SMARCD3: variants seen among roughly 807,000 people sequenced by gnomAD.
SMARCD3 encodes the protein SWI/SNF-related matrix-associated actin-dependent regulator of chromatin subfamily D member 3.
SMARCD3 carries 14 observed loss-of-function variants against 58.0 expected under a neutral mutation model. The ratio of observed to expected loss-of-function variants is 0.24; its 90% confidence interval spans 0.16 to 0.38. The LOEUF is 0.38. Ranked by LOEUF, SMARCD3 falls within the 10% of genes least tolerant of loss-of-function variation. The pLI is 1.00. For synonymous variants in SMARCD3, 253 were observed against 253.8 expected, an observed-to-expected ratio of 1.00 and a Z score of 0.03; for missense variants, 408 against 636.9, an observed-to-expected ratio of 0.64 and a Z score of 3.87.
intron 2 of SMARCD3, among the ~76,000 whole-genome samples, chr7:151,266,095 G>C (rs1405517557): frequency 6.6e-6 from 1 of 152,018 alleles, no homozygotes; most frequent in African/African-American, 2.4e-5. Flanking sequence ...TCCGCCTCCT[G>C]AGTAGCTGGG....
rs1274634237 is a variant in SMARCD3, at chr7:151,242,884, C to A, written c.334-41G>T. The A allele has an allele frequency of 6.2e-7, 1 of 1,611,608 alleles. No homozygotes were observed. Among genetic ancestry groups the A allele is most frequent in the Admixed American group, 1.7e-5 (1 of 59,760 alleles). On this transcript the variant is annotated intron_variant, in intron 3 of 12. Coordinates refer to ENST00000262188, the MANE Select transcript of SMARCD3 (RefSeq NM_001003801.2). This position sits in a 1 kb window ranked among gnomAD's most constrained non-coding sequence, Gnocchi z 4.7. ...CAGGGCAGGAGTCAGAGGCTCAAGTCCAGGGTTGTACCATGGAATGTATGC... is the reference window on the plus strand; with the variant it reads ...CAGGGCAGGAGTCAGAGGCTCAAGTACAGGGTTGTACCATGGAATGTATGC...
In SMARCD3 at chr7:151,239,638, T is replaced by C; in HGVS notation, c.1282A>G (p.Ser428Gly). 6.2e-7 allele frequency: 1 copy of C among 1,614,124 alleles called. No individual in the cohort carries two copies. Among genetic ancestry groups the C allele is most frequent in the Non-Finnish European group, 8.5e-7 (1 of 1,180,028 alleles). ...GYVQDLLRSQ[S>G]RDLKVMTDVA... ...TCCCTCTTCACCTTGAGGTCCCGGC[T>C]CTGGGAGCGGAGCAGGTCTTGGACA... The change falls in exon 11 of 13, where the codon AGC becomes GGC. Residue 428 changes from serine (S) to glycine (G), a missense_variant. Coordinates refer to ENST00000262188, the MANE Select transcript of SMARCD3 (RefSeq NM_001003801.2). This position sits in a 1 kb window ranked among gnomAD's most constrained non-coding sequence, Gnocchi z 7.0.
chr7:151,273,976 G>A (rs764615729), intron 2 of SMARCD3, among the ~76,000 whole-genome samples: 9 of 152,278 alleles, frequency 5.9e-5, no homozygotes, highest in African/African-American at 9.6e-5. Context: ...TTCTGAGGAA[G>A]GAGAAGCAGA....
chr7:151,242,974 T>G lies in SMARCD3; in HGVS notation c.334-131A>C. On this transcript the variant is annotated intron_variant, in intron 3 of 12. Transcript: ENST00000262188. This position sits in a 1 kb window ranked among gnomAD's most constrained non-coding sequence, Gnocchi z 4.7. The stretch of plus-strand genomic sequence containing the variant: ...CCATCCTACTTTTGGGCATGTAGCT[T>G]TGACAGTGGGAACAGGACCTCTCCC... The G allele has an allele frequency of 9.2e-7, 1 of 1,087,962 alleles. No individual in the cohort carries two copies. Among genetic ancestry groups the G allele is most frequent in the African/African-American group, 1.6e-5 (1 of 63,962 alleles). The allele number at this position is 1,087,962 out of a possible 1,614,324, so 67.4% of individuals were successfully genotyped here. A position where few individuals can be genotyped will look rare whatever the true frequency, so the allele number is the denominator to read the frequency against.
chr7:151,240,949 A>C (rs775701202), intron 8 of SMARCD3: 7 of 236,928 alleles, frequency 3.0e-5, no homozygotes, highest in Non-Finnish European at 2.5e-5. Context: ...GTAAGTGCCC[A>C]ATAAATATCA....
intron 1 of SMARCD3, among the ~76,000 whole-genome samples, chr7:151,276,137 C>T (rs1795333027): frequency 6.8e-6 from 1 of 147,378 alleles, no homozygotes; most frequent in Non-Finnish European, 1.5e-5. Flanking sequence ...GGCTACCAGT[C>T]CAGGGTCGGG....
At chr7:151,275,041 G>T in intron 2 of SMARCD3, 2 of 1,256,410 alleles carry the variant, frequency 1.6e-6, no homozygotes, top group Non-Finnish European at 2.3e-6. Context: ...GGGAGCAGGA[G>T]CCGAGGGCTG....
At chr7:151,247,277 C>A (rs1439957502) in intron 1 of SMARCD3, among the ~76,000 whole-genome samples, 2 of 152,046 alleles carry the variant, frequency 1.3e-5, no homozygotes, top group African/African-American at 4.8e-5. Flanking sequence ...ACTAGATGGG[C>A]CTTTTTAAAG....
At chr7:151,253,490 T>A (rs1458827306), upstream of SMARCD3, among the ~76,000 whole-genome samples, 1 of 152,114 alleles carries the variant, frequency 6.6e-6, no homozygotes, top group Admixed American at 6.5e-5. Context: ...GCCTCCTTCC[T>A]CTCTTTGCCT....
chr7:151,253,680 T>C (rs1803602822), upstream of SMARCD3, among the ~76,000 whole-genome samples: 1 of 152,102 alleles, frequency 6.6e-6, no homozygotes, highest in African/African-American at 2.4e-5. Context: ...ATTAATGAGG[T>C]GGTCGCTTGT....
rs1803026708 is a variant in SMARCD3 at position 151,242,167 on chromosome 7, A to T, written c.645T>A (p.Asp215Glu). 1 of 1,613,996 alleles carries T rather than the reference A, an allele frequency of 6.2e-7. No homozygotes were observed. Among genetic ancestry groups the T allele is most frequent in the African/African-American group, 1.3e-5 (1 of 75,004 alleles). ...CGAGGTGGTTGTCAGGGCCATAAAGATCTTTGTCCAGCTCGATGACCAAAC... is the reference window on the plus strand; with the variant it reads ...CGAGGTGGTTGTCAGGGCCATAAAGTTCTTTGTCCAGCTCGATGACCAAAC... ...FKSLVIELDK[D>E]LYGPDNHLVE... Residue 215 changes from aspartate (D) to glutamate (E), a missense_variant, in exon 6 of 13, where the codon GAT (aspartate) becomes GAA (glutamate). By Grantham distance (45) the Asp-to-Glu change is conservative. Coordinates refer to ENST00000262188, the MANE Select transcript of SMARCD3 (RefSeq NM_001003801.2). The surrounding 1 kb of genome is among the most constrained non-coding windows in gnomAD (Gnocchi z 4.7).
intron 2 of SMARCD3, among the ~76,000 whole-genome samples, chr7:151,266,249 C>T (rs1441711020): frequency 6.6e-6 from 1 of 152,040 alleles, no homozygotes; most frequent in African/African-American, 2.4e-5. Flanking sequence ...GGATTGCAGG[C>T]GTGAGCCACC....
chr7:151,275,998 G>A (rs1484332433), intron 1 of SMARCD3, among the ~76,000 whole-genome samples: 2 of 152,078 alleles, frequency 1.3e-5, no homozygotes, highest in African/African-American at 4.8e-5. Context: ...ATCCTGAGCA[G>A]GGTTGGGAGG....
chr7:151,275,987 A>G (rs1795327680), intron 1 of SMARCD3, among the ~76,000 whole-genome samples: 1 of 152,128 alleles, frequency 6.6e-6, no homozygotes, highest in African/African-American at 2.4e-5. Context: ...CCCATGGATC[A>G]ATCCTGAGCA....
rs776338143 is a variant in SMARCD3, at chr7:151,242,006, C to T, written c.676-28G>A. On this transcript the variant is annotated intron_variant, in intron 6 of 12. Transcript: ENST00000262188. The surrounding 1 kb of genome is among the most constrained non-coding windows in gnomAD (Gnocchi z 4.7). Reference sequence around the variant, plus strand: ...GTCCAGGAGAGAAGAGCTGTGTCTCCCAAAGGCCCATCTGGAGTGGTGGGG... The same window carrying T: ...GTCCAGGAGAGAAGAGCTGTGTCTCTCAAAGGCCCATCTGGAGTGGTGGGG... 8.1e-6 allele frequency: 13 copies of T among 1,595,306 alleles called. No homozygotes were observed. Among genetic ancestry groups the T allele is most frequent in the Non-Finnish European group, 1.1e-5 (13 of 1,165,268 alleles).
Position 151,245,580 on chromosome 7 carries a change from C to G in SMARCD3, c.170G>C (p.Arg57Pro). 1 of 1,165,422 alleles carries G rather than the reference C, an allele frequency of 8.6e-7. No individual in the cohort carries two copies. The highest frequency in any genetic ancestry group is 1.1e-6 in the Non-Finnish European group (1 of 928,382). The allele number at this position is 1,165,422 out of a possible 1,614,324, so 72.2% of individuals were successfully genotyped here. ...GSPYMGSPAVRPGLAPAGMEP... is the reference protein window; with the variant it reads ...GSPYMGSPAVPPGLAPAGMEP... ...CATGCCCGCGGGGGCCAGGCCGGGT[C>G]GCACGGCGGGGCTGCCCATGTACGG... Residue 57 changes from arginine (R) to proline (P), a missense_variant, in exon 2 of 13, where the codon CGA (arginine) becomes CCA (proline). By Grantham distance (103) the Arg-to-Pro change is moderately radical. Around this residue, in one of 4 missense-constraint regions of SMARCD3, gnomAD observed 84 missense variants for 81.2 expected, o/e 1.03. Coordinates refer to ENST00000262188, the MANE Select transcript of SMARCD3 (RefSeq NM_001003801.2). The surrounding 1 kb of genome is among the most constrained non-coding windows in gnomAD (Gnocchi z 6.2).
intron 9 of SMARCD3, 57 bp downstream of exon 9, chr7:151,240,368 G>C: frequency 6.3e-7 from 1 of 1,587,246 alleles, no homozygotes; most frequent in South Asian, 1.1e-5. Flanking sequence ...GGGAGGGGCA[G>C]GGAAGGCAGG....
intron 2 of SMARCD3, among the ~76,000 whole-genome samples, chr7:151,255,297 C>T (rs552729867): frequency 6.6e-6 from 1 of 152,314 alleles, no homozygotes; most frequent in African/African-American, 2.4e-5. Context: ...TGCTCCACCT[C>T]TTCTGGAAGC....
Position 151,246,831 on chromosome 7 carries a change from G to T in SMARCD3, c.79-1160C>A, listed in dbSNP as rs1354171500. 6.6e-6 allele frequency among the ~76,000 whole-genome samples: 1 copy of T among 152,166 alleles called. No homozygotes were observed. The highest frequency in any genetic ancestry group is 1.9e-4 in the East Asian group (1 of 5,188). ...GGGGCTGTGAAACAGAAAGAGCGGG[G>T]TGGGATGGGGACTGGGACCACGAAA... On this transcript the variant is annotated intron_variant, in intron 1 of 12. Coordinates refer to ENST00000262188, the MANE Select transcript of SMARCD3 (RefSeq NM_001003801.2). The surrounding 1 kb of genome is among the most constrained non-coding windows in gnomAD (Gnocchi z 4.4).
Sources: allele counts gnomAD v4.1 joint callset (sites outside exome capture counted in the v4.1 genomes callset), GRCh38; gene constraint gnomAD v4.1.1; regional missense constraint gnomAD v4.1.1; non-coding constraint Gnocchi (gnomAD v3.1); transcripts MANE v1.5; gene names NCBI Gene and HGNC (gene_info 2026-07-23, HGNC 2026-07-21).